Variants in MMP26 observed in about 807,000 individuals in gnomAD.
The protein encoded by MMP26 is matrix metalloproteinase-26.
Under a neutral mutation model 31.0 loss-of-function variants are expected in MMP26, and 33 were observed. That is an observed-to-expected ratio of 1.06 (90% CI 0.81 to 1.42). The LOEUF (loss-of-function observed/expected upper bound fraction) is 1.42. Among genes scored for constraint, MMP26 ranks in the 40% most tolerant of loss-of-function variants. The probability of loss-of-function intolerance (pLI) is 0.00; values close to 1 mark genes in which losing one functional copy is unlikely to be tolerated. For synonymous variants in MMP26, 122 were observed against 114.9 expected, an observed-to-expected ratio of 1.06 and a Z score of -0.40; for missense variants, 347 against 316.1, an observed-to-expected ratio of 1.10 and a Z score of -0.74.
chr11:4,990,439 T>A (rs1334822340), intron 4 of MMP26, among the ~76,000 whole-genome samples, 159 bp from the exon 5 acceptor site: 1 of 152,180 alleles, frequency 6.6e-6, no homozygotes, highest in Non-Finnish European at 1.5e-5. Flanking sequence ...TTCCTTAAGT[T>A]TCTGATTTAA....
intron 2 of MMP26, chr11:4,912,621 T>C (rs1006460894): frequency 6.6e-6 from 1 of 152,148 alleles, no homozygotes; most frequent in Non-Finnish European, 1.5e-5. Context: ...AATTCACATA[T>C]ACACATTGTA....
At chr11:4,924,112 G>T in intron 2 of MMP26, 1 of 1,614,112 alleles carries the variant, frequency 6.2e-7, no homozygotes, top group Non-Finnish European at 8.5e-7. Context: ...GTGTGGAAAG[G>T]CAAAGGCCTA....
chr11:4,871,702 G>GC (rs1354331781), intron 2 of MMP26: 3 of 152,104 alleles, frequency 2.0e-5, no homozygotes, highest in African/African-American at 7.2e-5. Context: ...TGTGGTTGAC[G>GC]CATCAGAAAA....
At chr11:4,860,394 G>A (rs1850134143) in intron 2 of MMP26, 1 of 471,092 alleles carries the variant, frequency 2.1e-6, no homozygotes, top group South Asian at 1.5e-5. Flanking sequence ...TGGGCTCATG[G>A]AGACTTGGCT....
At chr11:4,961,187 G>T (rs1846515830) in intron 2 of MMP26, among the ~76,000 whole-genome samples, 1 of 152,196 alleles carries the variant, frequency 6.6e-6, no homozygotes, top group Non-Finnish European at 1.5e-5. Flanking sequence ...GGAAGTTTCA[G>T]TGTTTCTACA....
At chr11:4,750,011 A>G (rs1848428377) in intron 1 of MMP26, among the ~76,000 whole-genome samples, 1 of 152,160 alleles carries the variant, frequency 6.6e-6, no homozygotes, top group South Asian at 2.1e-4. Context: ...AGAAGGGGAG[A>G]AAATATTTAC....
At chr11:4,987,338 C>T (rs890263488) in intron 2 of MMP26, among the ~76,000 whole-genome samples, 2 of 151,912 alleles carry the variant, frequency 1.3e-5, no homozygotes, top group South Asian at 2.1e-4. Context: ...CTATTAACTA[C>T]CTCTTTCTGT....
chr11:4,713,859 A>G (rs1004334512), intron 1 of MMP26, among the ~76,000 whole-genome samples: 10 of 152,128 alleles, frequency 6.6e-5, no homozygotes, highest in Admixed American at 2.6e-4. Context: ...TTAACAACAC[A>G]TAAGATCAAA....
chr11:4,772,182 G>C (rs987924098), intron 2 of MMP26, among the ~76,000 whole-genome samples: 2 of 152,176 alleles, frequency 1.3e-5, no homozygotes. Context: ...TGTAATCCCA[G>C]AGGGTTTTAG....
chr11:4,713,093 A>T (rs562514544), intron 1 of MMP26, among the ~76,000 whole-genome samples: 2 of 151,898 alleles, frequency 1.3e-5, no homozygotes, highest in Non-Finnish European at 2.9e-5. Flanking sequence ...TTAGGGGGAA[A>T]ATGTGATGTT....
intron 2 of MMP26, among the ~76,000 whole-genome samples, chr11:4,801,504 T>TTTTATTTA (rs141208345): frequency 7.4e-6 from 1 of 135,650 alleles, no homozygotes; most frequent in African/African-American, 2.8e-5. Context: ...GTCCCGGACT[T>TTTTATTTA]TTTATTTATT....
rs72868909 is a variant in MMP26 at position 4,844,552 on chromosome 11, A to G, written c.-145+77211A>G. Among the ~76,000 whole-genome samples the G allele has an allele frequency of 3.9e-3, 593 of 152,334 alleles. 2 individuals carry two copies. The highest frequency in any genetic ancestry group is 7.1e-3 in the Non-Finnish European group (482 of 68,012). On this transcript the variant is annotated intron_variant, in intron 2 of 7. Transcript: ENST00000380390. Reference sequence around the variant, plus strand: ...AGCTGAATTCAAAAAAACATTAGAAAGATAATTCATCATGAGCAAGTGGGC... The same window carrying G: ...AGCTGAATTCAAAAAAACATTAGAAGGATAATTCATCATGAGCAAGTGGGC...
intron 1 of MMP26, among the ~76,000 whole-genome samples, chr11:4,751,152 T>C (rs1006563183): frequency 2.6e-5 from 4 of 152,160 alleles, no homozygotes; most frequent in African/African-American, 7.2e-5. Context: ...ATTGTTTAGA[T>C]AGATTATTCG....
chr11:4,971,348 T>C (rs1160522243), intron 2 of MMP26, among the ~76,000 whole-genome samples: 1 of 152,200 alleles, frequency 6.6e-6, no homozygotes, highest in Admixed American at 6.5e-5. Context: ...GTCAAAAGTG[T>C]GTACACAGGG....
intron 2 of MMP26, among the ~76,000 whole-genome samples, chr11:4,930,689 G>T (rs1011936771): frequency 1.3e-5 from 2 of 152,058 alleles, no homozygotes; most frequent in South Asian, 4.1e-4. Flanking sequence ...TTAGCAAATT[G>T]AAATTATTTG....
At position 4,992,320 on chromosome 11, in the gene MMP26, A is replaced by G; in HGVS notation, c.*78A>G. The G allele has an allele frequency of 7.0e-7, 1 of 1,433,088 alleles. No individual in the cohort carries two copies. Among genetic ancestry groups the G allele is most frequent in the Non-Finnish European group, 9.6e-7 (1 of 1,043,504 alleles). The allele number at this position is 1,433,088 out of a possible 1,614,324, so 88.8% of individuals were successfully genotyped here. A position where few individuals can be genotyped will look rare whatever the true frequency, so the allele number is the denominator to read the frequency against. ...ATCAAAGAACTGAAAGCACTAGAGC[A>G]GCCTTGGGGACTGCTAGGATGAAGC... On this transcript the variant is annotated 3_prime_UTR_variant, in exon 8 of 8. Coordinates refer to ENST00000380390, the MANE Select transcript of MMP26 (RefSeq NM_021801.5).
At chr11:4,922,175 A>G (rs74052620) in intron 2 of MMP26, among the ~76,000 whole-genome samples, 1,539 of 152,334 alleles carry the variant, frequency 0.01, 29 homozygotes, top group African/African-American at 0.035. Context: ...CTTAATTGAT[A>G]ATTTTTAGTG....
chr11:4,880,364 A>G (rs1336124337), intron 2 of MMP26, among the ~76,000 whole-genome samples: 1 of 151,982 alleles, frequency 6.6e-6, no homozygotes, highest in Admixed American at 6.6e-5. Flanking sequence ...GGATGGTAAG[A>G]TAAGGAGAGG....
At position 4,947,540 on chromosome 11, in the gene MMP26, CT is replaced by C. The variant is rs1443488681; in HGVS notation, c.-144-40526del. Reference sequence around the variant, plus strand: ...CTAAATAAATGAGAATACCTGGGTACTTACCAGTAAGTGGATATGTTTGTAA... The same window carrying C: ...CTAAATAAATGAGAATACCTGGGTACTACCAGTAAGTGGATATGTTTGTAA... On this transcript the variant is annotated intron_variant, in intron 2 of 7. Coordinates refer to ENST00000380390, the MANE Select transcript of MMP26 (RefSeq NM_021801.5). 1.5e-5 allele frequency: 2 copies of C among 133,900 alleles called. 1 individual carries two copies. The highest frequency in any genetic ancestry group is 5.4e-5 in the African/African-American group (2 of 37,098). The allele number at this position is 133,900 out of a possible 1,614,324, so 8.3% of individuals were successfully genotyped here.
Sources: allele counts gnomAD v4.1 joint callset (sites outside exome capture counted in the v4.1 genomes callset), GRCh38; gene constraint gnomAD v4.1.1; transcripts MANE v1.5; gene names NCBI Gene and HGNC (gene_info 2026-07-23, HGNC 2026-07-21).